The following NDST4 variants were observed in gnomAD, a reference collection of about 807,000 sequenced individuals.
The protein encoded by NDST4 is N-heparan sulfate sulfotransferase 4.
NDST4 carries 63 observed loss-of-function variants against 100.8 expected under a neutral mutation model. That is an observed-to-expected ratio of 0.62 (90% CI 0.51 to 0.77). The LOEUF (loss-of-function observed/expected upper bound fraction) is 0.77. NDST4 is among the 30% of genes least tolerant of loss of function. NDST4 has a pLI of 0.00. For synonymous variants in NDST4, 377 were observed against 361.8 expected (o/e 1.04, Z -0.48); for missense variants, 943 against 1,018.4 (o/e 0.93, Z 1.01).
intron 4 of NDST4, among the ~76,000 whole-genome samples, chr4:114,957,356 T>C (rs965334921): frequency 1.3e-5 from 2 of 151,984 alleles, no homozygotes; most frequent in African/African-American, 4.8e-5. Context: ...GTGTAGGGGA[T>C]CTCCCCTTTA....
At chr4:115,067,131 C>G (rs1728966154) in intron 2 of NDST4, among the ~76,000 whole-genome samples, 1 of 152,210 alleles carries the variant, frequency 6.6e-6, no homozygotes, top group Admixed American at 6.5e-5. Flanking sequence ...TGCTGGGTCA[C>G]CCACCTAGAA....
intron 2 of NDST4, among the ~76,000 whole-genome samples, chr4:115,057,750 ACAC>A: frequency 6.7e-6 from 1 of 150,184 alleles, no homozygotes; most frequent in Non-Finnish European, 1.5e-5. Context: ...ACACACACAC[ACAC>A]ACACACCAAA....
chr4:114,922,889 C>A (rs1725317972), intron 6 of NDST4, among the ~76,000 whole-genome samples: 1 of 152,204 alleles, frequency 6.6e-6, no homozygotes, highest in Admixed American at 6.5e-5. Flanking sequence ...CAGGTACCAC[C>A]ATGAGCTGTA....
At chr4:115,112,077 T>A (rs1729963919) in intron 1 of NDST4, among the ~76,000 whole-genome samples, 1 of 148,562 alleles carries the variant, frequency 6.7e-6, no homozygotes, top group Admixed American at 6.8e-5. Context: ...AACTTGCTAC[T>A]CACACACACA....
In NDST4 at chr4:114,932,595, ACT is replaced by A. The variant is rs1578397335; in HGVS notation, c.1536+2609_1536+2610del. 2.0e-5 allele frequency among the ~76,000 whole-genome samples: 3 copies of A among 151,992 alleles called. No individual in the cohort carries two copies. The East Asian group carries it at 5.8e-4, about 29-fold the overall frequency. ...GATAACATGCTCTTTTATATAGAAA[ACT>A]CTAAATATTCCTTGAAAAAACTGTT... On this transcript the variant is annotated intron_variant, in intron 6 of 13. Coordinates refer to ENST00000264363, the MANE Select transcript of NDST4 (RefSeq NM_022569.3).
intron 6 of NDST4, among the ~76,000 whole-genome samples, chr4:114,894,965 T>C (rs1724681373): frequency 6.6e-6 from 1 of 152,096 alleles, no homozygotes; most frequent in Non-Finnish European, 1.5e-5. Context: ...TGTTGAATTT[T>C]ATCAAAGGCA....
chr4:115,062,096 A>G (rs1728836620), intron 2 of NDST4, among the ~76,000 whole-genome samples: 2 of 152,040 alleles, frequency 1.3e-5, no homozygotes, highest in African/African-American at 4.8e-5. Flanking sequence ...TTTCTGTCAA[A>G]TAGAACAATC....
intron 2 of NDST4, among the ~76,000 whole-genome samples, chr4:115,043,403 C>A (rs1277449369): frequency 2.0e-5 from 3 of 151,990 alleles, no homozygotes; most frequent in Non-Finnish European, 4.4e-5. Flanking sequence ...ATATGTTTAT[C>A]CAGCTCATTG....
chr4:115,051,341 A>G (rs1728579399), intron 2 of NDST4, among the ~76,000 whole-genome samples: 1 of 152,000 alleles, frequency 6.6e-6, no homozygotes, highest in African/African-American at 2.4e-5. Flanking sequence ...AATTTACCAC[A>G]TTTACCCTTT....
At chr4:115,017,901 G>C (rs137904278) in intron 2 of NDST4, among the ~76,000 whole-genome samples, 264 of 151,730 alleles carry the variant, frequency 1.7e-3, no homozygotes, top group African/African-American at 6.1e-3. Flanking sequence ...TATCTGGTTA[G>C]AACAATTAGA....
At chr4:115,033,157 A>ATATAT (rs1491126767) in intron 2 of NDST4, among the ~76,000 whole-genome samples, 3 of 59,946 alleles carry the variant, frequency 5.0e-5, no homozygotes, top group Non-Finnish European at 1.1e-4. Flanking sequence ...ATATATATAT[A>ATATAT]TTTTTTTTTT....
chr4:114,839,631 ATGTG>A, intron 10 of NDST4, 83 bp from the exon 11 acceptor site: 1 of 1,246,002 alleles, frequency 8.0e-7, no homozygotes, highest in Admixed American at 1.9e-5. Flanking sequence ...GAGCACATGC[ATGTG>A]TGTGTTTGGT....
In NDST4 at chr4:114,887,952, G is replaced by A. The variant is rs1000257; in HGVS notation, c.1537-17002C>T. The stretch of plus-strand genomic sequence containing the variant: ...CTTATAATTTTTGCATTTAAATATT[G>A]ATACCTTTGAGATGCTAAGGTGTGA... On this transcript the variant is annotated intron_variant, in intron 6 of 13. Coordinates refer to ENST00000264363, the MANE Select transcript of NDST4 (RefSeq NM_022569.3). 7.9e-3 allele frequency among the ~76,000 whole-genome samples: 1,203 copies of A among 152,052 alleles called. 10 individuals are homozygous for A. Among genetic ancestry groups the A allele is most frequent in the South Asian group, 0.011 (51 of 4,822 alleles).
chr4:114,937,436 T>G lies in NDST4; in HGVS notation c.1289A>C (p.His430Pro). 6.2e-7 allele frequency: 1 copy of G among 1,613,308 alleles called. No homozygotes were observed. Among genetic ancestry groups the G allele is most frequent in the Non-Finnish European group, 8.5e-7 (1 of 1,179,520 alleles). ...APHHSGVYPVHIQLYAAWKKV... is the reference protein window; with the variant it reads ...APHHSGVYPVPIQLYAAWKKV... ...CTTCCAAGCTGCATACAGCTGAATG[T>G]GAACCGGGTAGACCCCTGAGTGATG... Residue 430 changes from histidine to proline, a missense_variant, in exon 5 of 14, where the codon CAC (histidine) becomes CCC (proline). His to Pro is a moderately conservative substitution (Grantham distance 77). Around this residue, in one of 2 missense-constraint regions of NDST4, gnomAD observed 526 missense variants for 634.1 expected, o/e 0.83. Transcript: ENST00000264363.
intron 9 of NDST4, among the ~76,000 whole-genome samples, chr4:114,847,255 A>C (rs1379104509): frequency 7.1e-6 from 1 of 139,872 alleles, no homozygotes. Context: ...GGGCGCCTGT[A>C]GTCCCAGCTA....
At chr4:115,069,820 T>C (rs1205311174) in intron 2 of NDST4, among the ~76,000 whole-genome samples, 1 of 152,048 alleles carries the variant, frequency 6.6e-6, no homozygotes, top group East Asian at 1.9e-4. Flanking sequence ...GAGGTGGAGG[T>C]TGCAGTGAGT....
intron 4 of NDST4, among the ~76,000 whole-genome samples, chr4:114,946,488 G>A (rs1377729986): frequency 6.6e-6 from 1 of 152,200 alleles, no homozygotes; most frequent in South Asian, 2.1e-4. Flanking sequence ...GTTTAATGGA[G>A]AAGGTAGTAG....
intron 2 of NDST4, among the ~76,000 whole-genome samples, chr4:114,985,820 T>G (rs1337369144): frequency 6.6e-6 from 1 of 152,154 alleles, no homozygotes; most frequent in Non-Finnish European, 1.5e-5. Context: ...ATCAATAAAG[T>G]CCACCCTGGA....
chr4:115,107,057 C>T lies in NDST4; in HGVS notation c.-247+6387G>A, dbSNP rs563374995. 2.6e-5 allele frequency among the ~76,000 whole-genome samples: 4 copies of T among 152,080 alleles called. No individual in the cohort carries two copies. In the South Asian group the frequency reaches 8.3e-4, roughly 32 times the overall value. On this transcript the variant is annotated intron_variant, in intron 1 of 13. Coordinates refer to ENST00000264363, the MANE Select transcript of NDST4 (RefSeq NM_022569.3). ...CCTATAGTCCCAGCTTCTTGAGAGG[C>T]TGATGTGGAAGGATTGCTTGAGCCC...
Sources: allele counts gnomAD v4.1 joint callset (sites outside exome capture counted in the v4.1 genomes callset), GRCh38; gene constraint gnomAD v4.1.1; regional missense constraint gnomAD v4.1.1; transcripts MANE v1.5; gene names NCBI Gene and HGNC (gene_info 2026-07-23, HGNC 2026-07-21).